POLR1D: variants seen among roughly 807,000 people sequenced by gnomAD.
POLR1D encodes RNA polymerase I and III subunit D.
POLR1D carries 8 observed loss-of-function variants against 10.8 expected under a neutral mutation model. The ratio of observed to expected loss-of-function variants is 0.74; its 90% CI spans 0.43 to 1.33. The LOEUF (loss-of-function observed/expected upper bound fraction) is 1.33. Among genes scored for constraint, POLR1D ranks in the 40% most tolerant of loss-of-function variants. The pLI, the probability that POLR1D is intolerant of heterozygous loss-of-function variation, is 0.01. For missense variants in POLR1D, 152 were observed against 161.7 expected (o/e 0.94, Z 0.32); for synonymous variants, 54 against 57.2 (o/e 0.94, Z 0.25).
At chr13:27,648,577 G>A (rs756974337) in intron 2 of POLR1D, 3 of 652,086 alleles carry the variant, frequency 4.6e-6, no homozygotes, top group South Asian at 1.5e-5. Context: ...ATCTCTCAGA[G>A]ACAAGTGTAG....
intron 2 of POLR1D, among the ~76,000 whole-genome samples, chr13:27,658,462 G>T (rs1051119111): frequency 6.7e-6 from 1 of 149,342 alleles, no homozygotes; most frequent in Non-Finnish European, 1.5e-5. Context: ...TTCACTAGTG[G>T]CCATGGCCTG....
intron 2 of POLR1D, chr13:27,665,063 T>C (rs1051231075): frequency 2.0e-5 from 3 of 153,634 alleles, no homozygotes; most frequent in Non-Finnish European, 4.3e-5. Context: ...CTGAAATATA[T>C]CCTGCACAGA....
intron 2 of POLR1D, among the ~76,000 whole-genome samples, chr13:27,659,826 A>G (rs1956343618): frequency 1.3e-5 from 2 of 152,038 alleles, no homozygotes; most frequent in South Asian, 4.1e-4. Flanking sequence ...GGTAGTCTCC[A>G]AAGACAGAGA....
chr13:27,652,911 C>CTTTTTTTT (rs71083685), intron 2 of POLR1D, among the ~76,000 whole-genome samples: 2 of 89,332 alleles, frequency 2.2e-5, no homozygotes, highest in African/African-American at 9.7e-5. Context: ...TTTACCATTT[C>CTTTTTTTT]TTTTTTTTTT....
intron 2 of POLR1D, among the ~76,000 whole-genome samples, chr13:27,658,588 A>C (rs1566152810): frequency 1.3e-5 from 2 of 152,244 alleles, no homozygotes. Context: ...ATGGTTGAGC[A>C]GTTGCCAGAG....
exon 3 of POLR1D, chr13:27,666,331 T>TG (rs1160978544): frequency 5.5e-6 from 1 of 180,720 alleles, no homozygotes; most frequent in Non-Finnish European, 1.2e-5. Context: ...AATCCTATAT[T>TG]TTACTTTTTG....
downstream of POLR1D, chr13:27,623,470 T>G: frequency 4.0e-6 from 4 of 1,006,118 alleles, no homozygotes; most frequent in Non-Finnish European, 5.3e-6. Flanking sequence ...TGGTTTCTGT[T>G]CCATGCAACC....
At chr13:27,620,774 G>T, upstream of POLR1D, 1 of 153,166 alleles carries the variant, frequency 6.5e-6, no homozygotes, top group Non-Finnish European at 1.5e-5. Context: ...TCCCCCACTC[G>T]CCCCGGGCTG....
At chr13:27,638,174 ACAC>A in intron 1 of POLR1D, among the ~76,000 whole-genome samples, 1 of 152,284 alleles carries the variant, frequency 6.6e-6, no homozygotes, top group African/African-American at 2.4e-5. Context: ...AGAGTGGGCT[ACAC>A]CCTCTATTTC....
intron 1 of POLR1D, among the ~76,000 whole-genome samples, chr13:27,635,727 C>A: frequency 9.3e-6 from 1 of 107,040 alleles, no homozygotes. Context: ...TATATATATA[C>A]ATACACACAT....
upstream of POLR1D, chr13:27,621,760 G>T: frequency 2.7e-6 from 1 of 369,810 alleles, no homozygotes; most frequent in Admixed American, 4.8e-5. Flanking sequence ...GCGGGGCCGC[G>T]AGCCACCGCT....
chr13:27,647,995 C>T, intron 1 of POLR1D: 1 of 197,410 alleles, frequency 5.1e-6, no homozygotes, highest in Non-Finnish European at 1.0e-5. Flanking sequence ...AACATTTATC[C>T]TTGTTGAGTT....
chr13:27,654,186 A>C (rs1836209107), intron 2 of POLR1D, among the ~76,000 whole-genome samples: 1 of 152,224 alleles, frequency 6.6e-6, no homozygotes, highest in Non-Finnish European at 1.5e-5. Context: ...AAGTAACTTC[A>C]AGTAGTAATT....
In POLR1D at chr13:27,623,310, G is replaced by A. The variant is rs1306703796; in HGVS notation, c.*60G>A. ...AGGATATTCTCTTCCTGATGGTGCA[G>A]AACCCAGAATTAGAAGTTTGTGGTT... On this transcript the variant is annotated 3_prime_UTR_variant, in exon 2 of 2. Coordinates refer to ENST00000302979, the MANE Select transcript of POLR1D (RefSeq NM_015972.4). The A allele has an allele frequency of 1.2e-6, 2 of 1,608,454 alleles. No individual in the cohort carries two copies.
chr13:27,620,808 C>T (rs919898982), upstream of POLR1D: 1 of 153,542 alleles, frequency 6.5e-6, no homozygotes, highest in Non-Finnish European at 1.5e-5. Context: ...CCTGATTCCC[C>T]TGCGGAAGCC....
chr13:27,628,728 T>G (rs1445839597), intron 1 of POLR1D, among the ~76,000 whole-genome samples: 1 of 152,248 alleles, frequency 6.6e-6, no homozygotes, highest in African/African-American at 2.4e-5. Flanking sequence ...AATATTGGAC[T>G]ACTCTGTGGG....
chr13:27,625,873 C>G (rs146452020), downstream of POLR1D, among the ~76,000 whole-genome samples: 1 of 152,236 alleles, frequency 6.6e-6, no homozygotes, highest in African/African-American at 2.4e-5. Flanking sequence ...ACGTGGAGGT[C>G]ACTAGGCAGT....
At chr13:27,629,626 T>A (rs577973455) in intron 1 of POLR1D, among the ~76,000 whole-genome samples, 1 of 152,206 alleles carries the variant, frequency 6.6e-6, no homozygotes, top group Non-Finnish European at 1.5e-5. Flanking sequence ...GTTAAACCCA[T>A]AGCTTTTAAG....
intron 1 of POLR1D, 150 bp downstream of exon 1, chr13:27,622,159 T>C: frequency 1.4e-6 from 1 of 711,162 alleles, no homozygotes; most frequent in Non-Finnish European, 2.5e-6. Context: ...CATGAATGTG[T>C]TTCAGTTGAG....
Sources: allele counts gnomAD v4.1 joint callset (sites outside exome capture counted in the v4.1 genomes callset), GRCh38; gene constraint gnomAD v4.1.1; transcripts MANE v1.5; gene names NCBI Gene and HGNC (gene_info 2026-07-23, HGNC 2026-07-21).